The following MICAL3 variants were observed in gnomAD, a reference collection of about 807,000 sequenced individuals.
MICAL3 encodes [F-actin]-monooxygenase MICAL3.
In MICAL3, 62 loss-of-function variants were observed where a neutral mutation model predicts 207.4. The observed-to-expected ratio is 0.30, with a 90% CI of 0.24 to 0.37. The LOEUF is 0.37. Among genes scored for constraint, MICAL3 ranks in the 10% least tolerant of loss-of-function variants. The probability of loss-of-function intolerance (pLI) is 1.00; values close to 1 mark genes in which losing one functional copy is unlikely to be tolerated. For synonymous variants in MICAL3, 1,077 were observed against 1,069.3 expected (o/e 1.01, Z -0.14); for missense variants, 2,368 against 2,635.6 (o/e 0.90, Z 2.22).
At chr22:17,948,284 C>T (rs1934170043) in intron 1 of MICAL3, among the ~76,000 whole-genome samples, 1 of 152,256 alleles carries the variant, frequency 6.6e-6, no homozygotes, top group African/African-American at 2.4e-5. Context: ...CACAGTGCCG[C>T]CACAATCTTG....
At chr22:17,907,453 T>C (rs929185224) in intron 1 of MICAL3, among the ~76,000 whole-genome samples, 1 of 152,160 alleles carries the variant, frequency 6.6e-6, no homozygotes, top group Admixed American at 6.5e-5. Context: ...TTGGTGCCAG[T>C]GGAGCAGTGA....
chr22:17,793,171 G>A lies in MICAL3; in HGVS notation c.5651-1870C>T, dbSNP rs1216965014. On this transcript the variant is annotated intron_variant, in intron 29 of 31. Coordinates refer to ENST00000441493, the MANE Select transcript of MICAL3 (RefSeq NM_015241.3). The surrounding 1 kb of genome is among the most constrained non-coding windows in gnomAD (Gnocchi z 4.1). ...CGCTGTGGACGGCAGGTAAGAGTTA[G>A]CAGGGTTAGTCACGGCCACACCCCC... 6.6e-6 allele frequency among the ~76,000 whole-genome samples: 1 copy of A among 152,210 alleles called. No homozygotes were observed. The highest frequency in any genetic ancestry group is 1.5e-5 in the Non-Finnish European group (1 of 68,034).
At chr22:18,007,634 A>G (rs1336353108) in intron 1 of MICAL3, among the ~76,000 whole-genome samples, 3 of 152,044 alleles carry the variant, frequency 2.0e-5, no homozygotes, top group African/African-American at 7.2e-5. Context: ...TTGATCAGCT[A>G]TCTACCACTG....
chr22:17,906,555 G>A lies in MICAL3; in HGVS notation c.258C>T (p.Asn86=). The A allele has an allele frequency of 1.2e-6, 2 of 1,611,756 alleles. No homozygotes were observed. The highest frequency in any genetic ancestry group is 1.7e-6 in the Non-Finnish European group (2 of 1,178,316). Reference sequence around the variant, plus strand: ...CAACAGGAGCAAAGCTTACCTTGGTGTTAGTGCACGCTTTTCCCTTTTTGT... The same window carrying A: ...CAACAGGAGCAAAGCTTACCTTGGTATTAGTGCACGCTTTTCCCTTTTTGT... ...KDYKKGKACT[N]TKCLIIGAGP... The change falls in exon 2 of 32, where the codon AAC becomes AAT. Residue 86 remains asparagine (N), a synonymous_variant. Transcript: ENST00000441493.
At chr22:17,928,256 G>A (rs1322795015) in intron 1 of MICAL3, among the ~76,000 whole-genome samples, 3 of 151,970 alleles carry the variant, frequency 2.0e-5, no homozygotes, top group East Asian at 3.9e-4. Flanking sequence ...TGGCTAACAC[G>A]GTGAAACCCC....
intron 1 of MICAL3, among the ~76,000 whole-genome samples, chr22:17,948,196 C>T (rs1288608571): frequency 2.6e-5 from 4 of 152,222 alleles, no homozygotes; most frequent in East Asian, 1.9e-4. Flanking sequence ...TGCCCTGCTC[C>T]GGCGTGGCCT....
At chr22:17,998,557 A>T (rs1240383312) in intron 1 of MICAL3, among the ~76,000 whole-genome samples, 92 of 136,592 alleles carry the variant, frequency 6.7e-4, no homozygotes, top group Non-Finnish European at 1.0e-3. Flanking sequence ...AATTATTATT[A>T]TTATTATTTT....
At chr22:17,924,854 A>C (rs1932879920) in intron 1 of MICAL3, among the ~76,000 whole-genome samples, 1 of 152,200 alleles carries the variant, frequency 6.6e-6, no homozygotes, top group East Asian at 1.9e-4. Context: ...CAATAGCTCC[A>C]GTGCTCTGAC....
intron 23 of MICAL3, 140 bp downstream of exon 23, chr22:17,822,807 G>A (rs1921791203): frequency 8.5e-6 from 5 of 586,250 alleles, no homozygotes. Flanking sequence ...GGTGGAATGA[G>A]ATGCATTCCA....
rs1203302799 is a variant in MICAL3, at chr22:17,976,577, A to G, written c.-75+47704T>C. On this transcript the variant is annotated intron_variant, in intron 1 of 31. Transcript: ENST00000441493. ...TGTGTGTGTGTATATATATATATATATATATATATATATTTTTTTTTTTTT... is the reference window on the plus strand; with the variant it reads ...TGTGTGTGTGTATATATATATATATGTATATATATATATTTTTTTTTTTTT... Among the ~76,000 whole-genome samples, 350 of 91,614 alleles carry G rather than the reference A, an allele frequency of 3.8e-3. 1 individual carries two copies. The highest frequency in any genetic ancestry group is 0.018 in the African/African-American group (331 of 18,546). 60.1% of individuals were successfully genotyped at this position (91,614 alleles called of 152,430 possible).
intron 19 of MICAL3, chr22:17,860,092 C>G (rs1004559287): frequency 2.5e-6 from 2 of 793,826 alleles, no homozygotes; most frequent in Admixed American, 6.2e-5. Flanking sequence ...CAAGACCTGC[C>G]TGAGCCTCCC....
At chr22:17,855,430 GAAAAGCC>G (rs1925786690) in intron 19 of MICAL3, among the ~76,000 whole-genome samples, 1 of 152,126 alleles carries the variant, frequency 6.6e-6, no homozygotes, top group Admixed American at 6.5e-5. Context: ...GGTGGTAGAG[GAAAAGCC>G]AACAGATTTA....
Position 17,821,976 on chromosome 22 carries a change from T to C in MICAL3, c.3448+54A>G, listed in dbSNP as rs138160873. On this transcript the variant is annotated intron_variant, in intron 24 of 31. Transcript: ENST00000441493. ...GGCCCCTGAGCCACTCTTGTGTGCA[T>C]ATGGCCCTCGTAGGAATTCTGAAAG... 75 of 1,595,060 alleles carry C rather than the reference T, an allele frequency of 4.7e-5. No individual in the cohort carries two copies. In the East Asian group the frequency reaches 1.5e-3, roughly 33 times the overall value.
intron 1 of MICAL3, among the ~76,000 whole-genome samples, chr22:17,967,874 G>GCACC (rs147267086): frequency 6.6e-6 from 1 of 152,060 alleles, no homozygotes; most frequent in African/African-American, 2.4e-5. Context: ...GTGAAACCCT[G>GCACC]TCTACTAAAA....
intron 1 of MICAL3, chr22:17,981,024 A>G: frequency 4.6e-6 from 2 of 432,054 alleles, no homozygotes; most frequent in Non-Finnish European, 1.0e-5. Flanking sequence ...TACTTCACCC[A>G]CTGCAGTACT....
intron 1 of MICAL3, among the ~76,000 whole-genome samples, chr22:17,975,240 T>G (rs1186526190): frequency 6.6e-6 from 1 of 152,086 alleles, no homozygotes. Context: ...ACAATCATCG[T>G]GTGATGGGAA....
chr22:17,843,741 T>C (rs1200130713), intron 19 of MICAL3, among the ~76,000 whole-genome samples: 1 of 152,194 alleles, frequency 6.6e-6, no homozygotes, highest in Non-Finnish European at 1.5e-5. Flanking sequence ...CCCACCACTG[T>C]GTGCATACTC....
At chr22:17,904,863 G>C (rs756247953) in intron 2 of MICAL3, 24 bp from the exon 3 acceptor site, 8 of 1,538,958 alleles carry the variant, frequency 5.2e-6, no homozygotes, top group Middle Eastern at 1.7e-4. Context: ...CTGCTTTCAG[G>C]GCAGGCGGCA....
At chr22:18,002,917 G>A (rs577393254) in intron 1 of MICAL3, among the ~76,000 whole-genome samples, 1 of 152,174 alleles carries the variant, frequency 6.6e-6, no homozygotes, top group Non-Finnish European at 1.5e-5. Context: ...AGCACTTTGG[G>A]AGGCCAAGGC....
Sources: allele counts gnomAD v4.1 joint callset (sites outside exome capture counted in the v4.1 genomes callset), GRCh38; gene constraint gnomAD v4.1.1; non-coding constraint Gnocchi (gnomAD v3.1); transcripts MANE v1.5; gene names NCBI Gene and HGNC (gene_info 2026-07-23, HGNC 2026-07-21).